The following PEBP4 variants were observed in gnomAD, a reference collection of about 807,000 sequenced individuals.
PEBP4 encodes phosphatidylethanolamine binding protein 4, also known as phosphatidylethanolamine-binding protein 4.
Under a neutral mutation model 23.9 loss-of-function variants are expected in PEBP4, and 22 were observed. That is an observed-to-expected ratio of 0.92 (90% CI 0.66 to 1.31). The LOEUF is 1.31. Ranked by LOEUF, PEBP4 falls within the 40% of genes most tolerant of loss-of-function variation. The pLI is 0.00. For missense variants in PEBP4, 324 were observed against 281.7 expected, an observed-to-expected ratio of 1.15 and a Z score of -1.07; for synonymous variants, 112 against 99.3, an observed-to-expected ratio of 1.13 and a Z score of -0.76.
chr8:22,878,474 T>G lies in PEBP4; in HGVS notation c.258+41710A>C, dbSNP rs138184528. Among the ~76,000 whole-genome samples, 773 of 152,310 alleles carry G rather than the reference T, an allele frequency of 5.1e-3. 5 individuals carry two copies. The highest frequency in any genetic ancestry group is 8.3e-3 in the Non-Finnish European group (562 of 68,016). On this transcript the variant is annotated intron_variant, in intron 3 of 6. Coordinates refer to ENST00000256404, the MANE Select transcript of PEBP4 (RefSeq NM_144962.3). ...GTTTCCAAGTGGTGCTTTCTCACTT[T>G]TCTGCCCGTCAGTTTACCTGACACA...
upstream of PEBP4, among the ~76,000 whole-genome samples, chr8:22,932,590 G>C (rs1809474693): frequency 6.6e-6 from 1 of 152,050 alleles, no homozygotes; most frequent in Non-Finnish European, 1.5e-5. Flanking sequence ...AGAAGCTCTG[G>C]AAAACAGCCA....
intron 3 of PEBP4, among the ~76,000 whole-genome samples, chr8:22,826,768 G>A (rs796791306): frequency 6.6e-6 from 1 of 152,174 alleles, no homozygotes; most frequent in Non-Finnish European, 1.5e-5. Flanking sequence ...AACTAAGAGA[G>A]GCTGTGGGTG....
chr8:22,728,577 T>TTCC (rs1201935330), intron 4 of PEBP4, among the ~76,000 whole-genome samples: 132 of 134,406 alleles, frequency 9.8e-4, no homozygotes, highest in African/African-American at 3.5e-3. Flanking sequence ...CCTTCCTTCC[T>TTCC]TCCTTCCTTC....
At chr8:22,939,997 G>A (rs539876396) in intron 1 of PEBP4, among the ~76,000 whole-genome samples, 1 of 152,350 alleles carries the variant, frequency 6.6e-6, no homozygotes, top group East Asian at 1.9e-4. Flanking sequence ...AGGCTCCAGA[G>A]GGGCTATGAA....
intron 4 of PEBP4, among the ~76,000 whole-genome samples, chr8:22,734,599 T>G (rs75535102): frequency 6.6e-6 from 1 of 152,166 alleles, no homozygotes; most frequent in Non-Finnish European, 1.5e-5. Context: ...CTTGGCACAG[T>G]CTGGCAATGG....
rs561649285 is a variant in PEBP4 at position 22,856,316 on chromosome 8, G to A, written c.259-38581C>T. Among the ~76,000 whole-genome samples the A allele has an allele frequency of 4.9e-4, 75 of 152,238 alleles. 1 individual carries two copies. Among genetic ancestry groups the A allele is most frequent in the South Asian group, 2.7e-3 (13 of 4,832 alleles). On this transcript the variant is annotated intron_variant, in intron 3 of 6. Coordinates refer to ENST00000256404, the MANE Select transcript of PEBP4 (RefSeq NM_144962.3). ...GTACTATTTTTTACTTGTCAAATTG[G>A]TAATTATTTTAACAAATTCTAAAAT... is the stretch of plus-strand genomic sequence containing the variant.
intron 4 of PEBP4, among the ~76,000 whole-genome samples, chr8:22,742,444 T>C (rs1453476720): frequency 1.3e-5 from 2 of 152,100 alleles, no homozygotes; most frequent in South Asian, 2.1e-4. Context: ...TGTGGTCCTG[T>C]CAAGCATGAG....
chr8:22,930,202 G>A (rs933106202), upstream of PEBP4, among the ~76,000 whole-genome samples: 1 of 152,102 alleles, frequency 6.6e-6, no homozygotes, highest in African/African-American at 2.4e-5. Flanking sequence ...CCTCTGGCGG[G>A]TTCCTCAAGC....
intron 1 of PEBP4, among the ~76,000 whole-genome samples, chr8:22,940,147 G>A (rs887048910): frequency 2.0e-5 from 3 of 152,190 alleles, no homozygotes; most frequent in African/African-American, 7.2e-5. Flanking sequence ...CAGGGACAGA[G>A]TCAATCTCTG....
intron 3 of PEBP4, among the ~76,000 whole-genome samples, chr8:22,847,965 C>T (rs1362950582): frequency 6.6e-6 from 1 of 152,168 alleles, no homozygotes; most frequent in Non-Finnish European, 1.5e-5. Context: ...AATGCCTAAA[C>T]ATTTTAAAAC....
chr8:22,887,942 C>A (rs1808417158), intron 3 of PEBP4: 1 of 152,060 alleles, frequency 6.6e-6, no homozygotes, highest in Non-Finnish European at 1.5e-5. Context: ...TCACTGTGAC[C>A]CTTATCTGTA....
chr8:22,845,369 C>CA (rs34601804), intron 3 of PEBP4, among the ~76,000 whole-genome samples: 1,361 of 132,976 alleles, frequency 0.01, 22 homozygotes, highest in East Asian at 0.073. Context: ...CGCATCTCTA[C>CA]AAAAAAAAAA....
chr8:22,751,916 A>G (rs1805276582), intron 4 of PEBP4, among the ~76,000 whole-genome samples: 1 of 151,746 alleles, frequency 6.6e-6, no homozygotes, highest in Non-Finnish European at 1.5e-5. Context: ...TTCTTTTTTG[A>G]GGCAGGGTCT....
chr8:22,727,343 G>T (rs1456703804), intron 4 of PEBP4, 123 bp from the exon 5 acceptor site: 13 of 941,050 alleles, frequency 1.4e-5, no homozygotes, highest in Non-Finnish European at 2.2e-5. Context: ...GATGGGAGAA[G>T]AAGTAGGATG....
intron 3 of PEBP4, among the ~76,000 whole-genome samples, chr8:22,901,071 C>G (rs1294938401): frequency 6.6e-6 from 1 of 152,214 alleles, no homozygotes; most frequent in African/African-American, 2.4e-5. Context: ...TAGCCCTACA[C>G]ATTTGCTTGG....
At chr8:22,764,576 G>T (rs923022515) in intron 4 of PEBP4, among the ~76,000 whole-genome samples, 1 of 152,070 alleles carries the variant, frequency 6.6e-6, no homozygotes, top group South Asian at 2.1e-4. Context: ...AATAGTGTTC[G>T]CAGCCGAGTT....
intron 4 of PEBP4, among the ~76,000 whole-genome samples, chr8:22,811,321 T>C (rs1258477508): frequency 6.6e-6 from 1 of 152,244 alleles, no homozygotes; most frequent in Non-Finnish European, 1.5e-5. Flanking sequence ...GAGAGCTAAT[T>C]TGGCTCTTAT....
intron 3 of PEBP4, among the ~76,000 whole-genome samples, chr8:22,856,278 A>C (rs1807645855): frequency 6.6e-6 from 1 of 152,226 alleles, no homozygotes; most frequent in Non-Finnish European, 1.5e-5. Flanking sequence ...AGCCTAATTT[A>C]TAATCAATTA....
chr8:22,916,144 C>G (rs896985534), intron 3 of PEBP4, among the ~76,000 whole-genome samples: 1 of 152,180 alleles, frequency 6.6e-6, no homozygotes, highest in African/African-American at 2.4e-5. Context: ...CAGACCGAGG[C>G]AGCCTTTTGT....
Sources: allele counts gnomAD v4.1 joint callset (sites outside exome capture counted in the v4.1 genomes callset), GRCh38; gene constraint gnomAD v4.1.1; transcripts MANE v1.5; gene names NCBI Gene and HGNC (gene_info 2026-07-23, HGNC 2026-07-21).